NCKIPSD: variants seen among roughly 807,000 people sequenced by gnomAD.
NCKIPSD encodes the protein NCK-interacting protein with SH3 domain.
NCKIPSD carries 48 observed loss-of-function variants against 73.4 expected under a neutral mutation model. That is an observed-to-expected ratio of 0.65 (90% CI 0.52 to 0.83). The LOEUF (loss-of-function observed/expected upper bound fraction) is 0.83. Among genes scored for constraint, NCKIPSD ranks in the 40% least tolerant of loss-of-function variants. NCKIPSD has a pLI of 0.00. For missense variants in NCKIPSD, 884 were observed against 970.2 expected (o/e 0.91, Z 1.18); for synonymous variants, 422 against 403.6 (o/e 1.05, Z -0.54).
intron 12 of NCKIPSD, among the ~76,000 whole-genome samples, chr3:48,676,327 T>C (rs1193801486): frequency 6.6e-6 from 1 of 152,058 alleles, no homozygotes. Flanking sequence ...CAGCCCTAGC[T>C]CCTGTCCATG....
chr3:48,677,862 A>G (rs1038579158), intron 12 of NCKIPSD, among the ~76,000 whole-genome samples: 3 of 151,938 alleles, frequency 2.0e-5, no homozygotes, highest in Admixed American at 2.0e-4. Flanking sequence ...CAGGCTTCCC[A>G]TCGTATCTCT....
rs1412730901 is a variant in NCKIPSD, at chr3:48,679,044, C to T, written c.1699+11G>A. On this transcript the variant is annotated intron_variant, in intron 10 of 12. Transcript: ENST00000294129. ...TGTGCTCAGCCACCGCCCAGCCAGG[C>T]CCCACCCCACCTGGCAGGTGCAGGT... is the stretch of plus-strand genomic sequence containing the variant. The T allele has an allele frequency of 6.2e-7, 1 of 1,614,144 alleles. No individual in the cohort carries two copies.
chr3:48,680,748 C>T (rs537811429), intron 5 of NCKIPSD, among the ~76,000 whole-genome samples: 1 of 152,100 alleles, frequency 6.6e-6, no homozygotes, highest in Non-Finnish European at 1.5e-5. Context: ...GCTCACTGCC[C>T]CCATCCTGCT....
Position 48,674,745 on chromosome 3 carries a change from C to T in NCKIPSD, c.1968G>A (p.Leu656=). The change falls in exon 13 of 13, where the codon CTG becomes CTA. Residue 656 remains leucine (L), a splice_region_variant and synonymous_variant. Coordinates refer to ENST00000294129, the MANE Select transcript of NCKIPSD (RefSeq NM_016453.4). ...GCATCAGGGAGAGGTACTCCATGCG[C>T]AGCTGTGGGAAGAGCAGGCCAGCTC... ...HIADLSPGDK[L]RMEYLSLMHA... 6.2e-7 allele frequency: 1 copy of T among 1,613,804 alleles called. No homozygotes were observed.
intron 12 of NCKIPSD, among the ~76,000 whole-genome samples, chr3:48,677,007 C>T (rs909080148): frequency 4.1e-5 from 6 of 145,914 alleles, no homozygotes; most frequent in Admixed American, 6.8e-5. Context: ...GAATTCCTGA[C>T]CTCAAGTGAT....
At position 48,682,455 on chromosome 3, in the gene NCKIPSD, C is replaced by A; in HGVS notation, c.379G>T (p.Asp127Tyr). 6.2e-6 allele frequency: 10 copies of A among 1,614,164 alleles called. No homozygotes were observed. Among genetic ancestry groups the A allele is most frequent in the Non-Finnish European group, 5.1e-6 (6 of 1,180,014 alleles). Residue 127 changes from aspartate to tyrosine, a missense_variant, in exon 3 of 13, where the codon GAT becomes TAT. Transcript: ENST00000294129. ...MTSSTSDHHL[D>Y]AAAARQPNGV... is the part of the protein sequence containing the mutation. Reference sequence around the variant, plus strand: ...TTGGGCTGCCTGGCTGCAGCAGCATCCAAGTGGTGGTCACTGGTTGATGAG... The same window carrying A: ...TTGGGCTGCCTGGCTGCAGCAGCATACAAGTGGTGGTCACTGGTTGATGAG...
rs747395862 is a variant in NCKIPSD at position 48,681,998 on chromosome 3, A to G, written c.598+47T>C. 11 of 1,569,568 alleles carry G rather than the reference A, an allele frequency of 7.0e-6. No homozygotes were observed. The African/African-American group carries it at 1.5e-4, about 21-fold the overall frequency. ...CTGACACAGGCAGCACAACCATTCC[A>G]AGCATAGGGTGCCTCCACCTGAATT... On this transcript the variant is annotated intron_variant, in intron 4 of 12. Transcript: ENST00000294129.
chr3:48,683,011 C>G lies in NCKIPSD; in HGVS notation c.173G>C (p.Gly58Ala), dbSNP rs774843471. 1 of 1,549,612 alleles carries G rather than the reference C, an allele frequency of 6.5e-7. No individual in the cohort carries two copies. The highest frequency in any genetic ancestry group is 1.4e-5 in the African/African-American group (1 of 73,002). ...GGCCTGGAGGACATCCTGCTCCAGG[C>G]CCTGGGGGGGGCAGGGGACAGCAGT... ...VPPAYLRRLQ[G>A]LEQDVLQAID... The change falls in exon 2 of 13, where the codon GGC becomes GCC. Residue 58 changes from glycine (G) to alanine (A), a missense_variant and splice_region_variant. Gly to Ala is a moderately conservative substitution (Grantham distance 60, BLOSUM62 0). Transcript: ENST00000294129.
intron 12 of NCKIPSD, among the ~76,000 whole-genome samples, chr3:48,677,395 C>CA (rs775798437): frequency 4.6e-5 from 7 of 151,398 alleles, no homozygotes; most frequent in East Asian, 3.9e-4. Flanking sequence ...AACAAACAAA[C>CA]AACAACAACA....
chr3:48,674,827 CCA>C, intron 12 of NCKIPSD, 80 bp from the exon 13 acceptor site: 1 of 1,439,074 alleles, frequency 6.9e-7, no homozygotes, highest in Non-Finnish European at 9.6e-7. Context: ...CCCCACTGTC[CCA>C]CAGACCCCAG....
intron 5 of NCKIPSD, 176 bp downstream of exon 5, chr3:48,681,111 G>A (rs2077344625): frequency 9.8e-7 from 1 of 1,018,776 alleles, no homozygotes; most frequent in East Asian, 2.5e-5. Flanking sequence ...GCATCTGCCT[G>A]GAATGCTTGT....
intron 6 of NCKIPSD, 47 bp downstream of exon 6, chr3:48,680,012 G>C: frequency 6.2e-7 from 1 of 1,602,612 alleles, no homozygotes; most frequent in South Asian, 1.1e-5. Context: ...ACAGGGTGGG[G>C]GCCACTGTTC....
chr3:48,685,086 G>T (rs968017208), intron 1 of NCKIPSD, among the ~76,000 whole-genome samples: 2 of 151,012 alleles, frequency 1.3e-5, no homozygotes, highest in Non-Finnish European at 1.5e-5. Context: ...AAGTTGGGGG[G>T]TTGAGGACCT....
At chr3:48,676,799 C>T (rs1575561141) in intron 12 of NCKIPSD, among the ~76,000 whole-genome samples, 2 of 151,666 alleles carry the variant, frequency 1.3e-5, no homozygotes, top group East Asian at 3.9e-4. Flanking sequence ...GGCCAACATC[C>T]CCCATCTGTC....
At chr3:48,685,228 A>T (rs1228652914) in intron 1 of NCKIPSD, among the ~76,000 whole-genome samples, 1 of 33,808 alleles carries the variant, frequency 3.0e-5, no homozygotes, top group Non-Finnish European at 6.6e-5. Context: ...GGAGGGAGGG[A>T]GGTTGGTTGT....
chr3:48,677,668 G>A (rs917765231), intron 12 of NCKIPSD, among the ~76,000 whole-genome samples: 6 of 152,126 alleles, frequency 3.9e-5, no homozygotes, highest in African/African-American at 1.2e-4. Flanking sequence ...CCCCAGTCTC[G>A]CTCAGGCTCC....
rs373688278 is a variant in NCKIPSD, at chr3:48,682,548, G to C, written c.286C>G (p.Leu96Val). Residue 96 changes from leucine to valine, a missense_variant, in exon 3 of 13, where the codon CTG (leucine) becomes GTG (valine). Physicochemically the swap from Leu to Val is conservative, Grantham distance 32. Transcript: ENST00000294129. Reference sequence around the variant, plus strand: ...AGGGTCTCTTTCCGGTGGTGGATCAGCTTCCTGATGGAAGGACAGGAAGAC... The same window carrying C: ...AGGGTCTCTTTCCGGTGGTGGATCACCTTCCTGATGGAAGGACAGGAAGAC... ...SLEQRGVLQK[L>V]IHHRKETLSR... The C allele has an allele frequency of 6.2e-7, 1 of 1,613,788 alleles. No individual in the cohort carries two copies. Among genetic ancestry groups the C allele is most frequent in the Non-Finnish European group, 8.5e-7 (1 of 1,179,888 alleles).
Position 48,682,520 on chromosome 3 carries a change from G to C in NCKIPSD, c.314C>G (p.Ser105Ter), listed in dbSNP as rs749112390. ...KLIHHRKETL[S>*]RRGPSASSVA... is the part of the protein sequence containing the mutation. ...ACTGGAGGCTGAAGGGCCTCTGCGT[G>C]ACAGGGTCTCTTTCCGGTGGTGGAT... The change falls in exon 3 of 13, where the codon TCA becomes TGA. Residue 105 changes from serine to a stop codon, truncating the protein, a stop_gained. Coordinates refer to ENST00000294129, the MANE Select transcript of NCKIPSD (RefSeq NM_016453.4). LOFTEE classifies it high-confidence loss of function. 6.2e-7 allele frequency: 1 copy of C among 1,614,150 alleles called. No homozygotes were observed. The highest frequency in any genetic ancestry group is 1.1e-5 in the South Asian group (1 of 91,080).
At position 48,681,697 on chromosome 3, in the gene NCKIPSD, T is replaced by C; in HGVS notation, c.682A>G (p.Thr228Ala). The C allele has an allele frequency of 6.3e-7, 1 of 1,580,958 alleles. No individual in the cohort carries two copies. The highest frequency in any genetic ancestry group is 8.6e-7 in the Non-Finnish European group (1 of 1,163,548). The stretch of plus-strand genomic sequence containing the variant: ...CCTGGTTCAGATGGGCTGGAGCTGG[T>C]ATAGAGCGTGTCCAGGGAGGTGCTG... ...VSSTSLDTLYTSSSPSEPGSS... is the reference protein window; with the variant it reads ...VSSTSLDTLYASSSPSEPGSS... Residue 228 changes from threonine to alanine, a missense_variant, in exon 5 of 13, where the codon ACC (threonine) becomes GCC (alanine). Transcript: ENST00000294129.
Sources: gnomAD v4.1 joint callset for allele counts (sites outside exome capture counted in the v4.1 genomes callset) on GRCh38, gnomAD v4.1.1 for gene constraint, MANE v1.5 for transcripts, NCBI Gene and HGNC (gene_info 2026-07-23, HGNC 2026-07-21) for gene names.